The following PTPRD variants were observed in gnomAD, a reference collection of about 807,000 sequenced individuals.
PTPRD encodes the protein protein tyrosine phosphatase receptor type D, also known as receptor-type tyrosine-protein phosphatase delta.
In PTPRD, 34 loss-of-function variants were observed where a neutral mutation model predicts 214.5. The observed-to-expected ratio is 0.16, with a 90% CI of 0.12 to 0.21. The LOEUF is 0.21. Ranked by LOEUF, PTPRD falls within the 10% of genes least tolerant of loss-of-function variation. The probability of loss-of-function intolerance (pLI) is 1.00; values close to 1 mark genes in which losing one functional copy is unlikely to be tolerated. For synonymous variants in PTPRD, 1,128 were observed against 845.7 expected, an observed-to-expected ratio of 1.33 and a Z score of -5.79; for missense variants, 2,545 against 2,398.7, an observed-to-expected ratio of 1.06 and a Z score of -1.27.
intron 7 of PTPRD, among the ~76,000 whole-genome samples, chr9:9,578,370 G>GTATTGGATCTATCATGAA (rs2089680510): frequency 6.6e-6 from 1 of 152,026 alleles, no homozygotes; most frequent in South Asian, 2.1e-4. Context: ...ATGATGTAGT[G>GTATTGGATCTATCATGAA]TTTGGAGAAA....
intron 3 of PTPRD, among the ~76,000 whole-genome samples, chr9:10,254,250 C>A (rs927974191): frequency 1.3e-5 from 2 of 152,168 alleles, no homozygotes; most frequent in Non-Finnish European, 2.9e-5. Flanking sequence ...AAGTAAGTAA[C>A]TGAATGTATA....
intron 5 of PTPRD, among the ~76,000 whole-genome samples, chr9:9,808,653 A>G (rs1408133): frequency 0.56 from 84,361 of 151,972 alleles, 25,905 homozygotes; most frequent in East Asian, 0.88. Context: ...AAAATCGTTT[A>G]AAAGATAATG....
intron 7 of PTPRD, among the ~76,000 whole-genome samples, chr9:9,680,453 A>G (rs1019246902): frequency 6.6e-6 from 1 of 151,886 alleles, no homozygotes; most frequent in Non-Finnish European, 1.5e-5. Context: ...TCTAGGTTTA[A>G]AAGTTCATAA....
At chr9:8,515,884 A>T (rs1173161522) in intron 21 of PTPRD, among the ~76,000 whole-genome samples, 2 of 152,198 alleles carry the variant, frequency 1.3e-5, no homozygotes, top group East Asian at 1.9e-4. Context: ...AAATAGAACC[A>T]CTACACTCTA....
chr9:9,178,095 T>C (rs188502950), intron 10 of PTPRD, among the ~76,000 whole-genome samples: 6 of 152,132 alleles, frequency 3.9e-5, no homozygotes, highest in Non-Finnish European at 7.4e-5. Context: ...GTAGCTTTTG[T>C]ATCAATATAA....
chr9:10,377,060 C>G (rs2097744687), intron 2 of PTPRD, among the ~76,000 whole-genome samples: 1 of 151,804 alleles, frequency 6.6e-6, no homozygotes, highest in Non-Finnish European at 1.5e-5. Flanking sequence ...CCTCTATTAC[C>G]CTTTCCAGCC....
At chr9:10,097,053 T>C (rs900802672) in intron 3 of PTPRD, among the ~76,000 whole-genome samples, 44 of 151,814 alleles carry the variant, frequency 2.9e-4, no homozygotes, top group South Asian at 2.1e-4. Flanking sequence ...GTTGTAGATA[T>C]GCAGCATTAT....
At chr9:10,489,945 A>C (rs558954654) in intron 2 of PTPRD, among the ~76,000 whole-genome samples, 1 of 152,244 alleles carries the variant, frequency 6.6e-6, no homozygotes, top group South Asian at 2.1e-4. Context: ...CAGCAATATA[A>C]AGTTAAAACC....
intron 11 of PTPRD, among the ~76,000 whole-genome samples, chr9:9,011,385 A>G (rs1567578079): frequency 6.6e-6 from 1 of 152,192 alleles, no homozygotes; most frequent in Non-Finnish European, 1.5e-5. Context: ...GGATAAATAT[A>G]TGGTAAAATA....
chr9:10,402,667 A>G (rs544460401), intron 2 of PTPRD, among the ~76,000 whole-genome samples: 11 of 151,884 alleles, frequency 7.2e-5, no homozygotes, highest in Non-Finnish European at 8.8e-5. Context: ...AACTAAATAA[A>G]TGAAATACCT....
At chr9:10,105,394 A>G (rs1428366488) in intron 3 of PTPRD, among the ~76,000 whole-genome samples, 1 of 151,896 alleles carries the variant, frequency 6.6e-6, no homozygotes, top group Non-Finnish European at 1.5e-5. Context: ...TTAGGTAGAA[A>G]AGCTACATTT....
chr9:10,089,757 C>T (rs2098406453), intron 3 of PTPRD, among the ~76,000 whole-genome samples: 1 of 151,532 alleles, frequency 6.6e-6, no homozygotes, highest in South Asian at 2.1e-4. Flanking sequence ...TGTACTCTGG[C>T]CAAATTCTAA....
chr9:9,802,986 G>T (rs1344251496), intron 5 of PTPRD, among the ~76,000 whole-genome samples: 1 of 151,660 alleles, frequency 6.6e-6, no homozygotes, highest in Non-Finnish European at 1.5e-5. Flanking sequence ...TGAACTACAA[G>T]GAATTTACTT....
At chr9:10,461,781 C>A (rs191828746) in intron 2 of PTPRD, among the ~76,000 whole-genome samples, 87 of 152,136 alleles carry the variant, frequency 5.7e-4, no homozygotes, top group African/African-American at 2.0e-3. Flanking sequence ...AGCCTCCAGG[C>A]CCAGCTAATT....
intron 9 of PTPRD, among the ~76,000 whole-genome samples, chr9:9,296,406 C>T (rs537406779): frequency 6.6e-6 from 1 of 151,738 alleles, no homozygotes; most frequent in South Asian, 2.1e-4. Flanking sequence ...TTTCTCTTTA[C>T]CTTCTGACAA....
intron 16 of PTPRD, 79 bp downstream of exon 16, chr9:8,527,266 C>A: frequency 2.1e-6 from 3 of 1,444,172 alleles, no homozygotes; most frequent in Non-Finnish European, 2.9e-6. Context: ...GCATGCCATG[C>A]ATTTTATTAA....
At chr9:8,778,233 A>G (rs2095558607) in intron 11 of PTPRD, among the ~76,000 whole-genome samples, 1 of 152,234 alleles carries the variant, frequency 6.6e-6, no homozygotes. Context: ...GCAAATTATA[A>G]CATTTCACTA....
At chr9:8,671,801 T>C (rs1003838328) in intron 12 of PTPRD, among the ~76,000 whole-genome samples, 1 of 152,190 alleles carries the variant, frequency 6.6e-6, no homozygotes, top group Non-Finnish European at 1.5e-5. Flanking sequence ...TTCTTGTGGT[T>C]CCATATGAAA....
At chr9:9,814,561 T>C (rs1672858224) in intron 5 of PTPRD, among the ~76,000 whole-genome samples, 1 of 152,044 alleles carries the variant, frequency 6.6e-6, no homozygotes, top group African/African-American at 2.4e-5. Flanking sequence ...ATAAAATACT[T>C]ATGAATAAAT....
Sources: gnomAD v4.1 joint callset for allele counts (sites outside exome capture counted in the v4.1 genomes callset) on GRCh38, gnomAD v4.1.1 for gene constraint, MANE v1.5 for transcripts, NCBI Gene and HGNC (gene_info 2026-07-23, HGNC 2026-07-21) for gene names.